The following CDIN1 variants were observed in gnomAD, a reference collection of about 807,000 sequenced individuals.
The protein encoded by CDIN1 is CDAN1-interacting nuclease 1.
CDIN1 carries 33 observed loss-of-function variants against 45.3 expected under a neutral mutation model. The ratio of observed to expected loss-of-function variants is 0.73; its 90% CI spans 0.55 to 0.97. CDIN1 has a LOEUF of 0.97. Among genes scored for constraint, CDIN1 ranks in the 50% least tolerant of loss-of-function variants. The pLI, the probability that CDIN1 is intolerant of heterozygous loss-of-function variation, is 0.00. For synonymous variants in CDIN1, 118 were observed against 124.4 expected (o/e 0.95, Z 0.34); for missense variants, 303 against 339.4 (o/e 0.89, Z 0.84).
chr15:36,694,932 A>G (rs536052552), intron 7 of CDIN1, among the ~76,000 whole-genome samples: 1 of 152,360 alleles, frequency 6.6e-6, no homozygotes, highest in South Asian at 2.1e-4. Context: ...GTAATGAGAG[A>G]CCATTGAGAG....
At chr15:36,617,275 G>T in intron 1 of CDIN1, 1 of 1,045,406 alleles carries the variant, frequency 9.6e-7, no homozygotes, top group South Asian at 1.3e-5. Context: ...GCTCTCAGAA[G>T]ATATATGTAA....
At chr15:36,763,618 G>A (rs1483315671) in intron 10 of CDIN1, among the ~76,000 whole-genome samples, 1 of 152,096 alleles carries the variant, frequency 6.6e-6, no homozygotes, top group Non-Finnish European at 1.5e-5. Context: ...GCCATGTTGT[G>A]GTGAGAAACC....
intron 10 of CDIN1, among the ~76,000 whole-genome samples, chr15:36,745,319 T>C (rs2044382260): frequency 6.6e-6 from 1 of 152,184 alleles, no homozygotes. Context: ...TACTGAACTT[T>C]TAAAGACATG....
intron 5 of CDIN1, among the ~76,000 whole-genome samples, chr15:36,672,321 A>G (rs1452523198): frequency 6.6e-6 from 1 of 152,046 alleles, no homozygotes; most frequent in African/African-American, 2.4e-5. Context: ...TTGTAACATC[A>G]AAGGATCTCT....
chr15:36,615,263 T>C (rs1469317087), intron 1 of CDIN1, among the ~76,000 whole-genome samples: 1 of 152,208 alleles, frequency 6.6e-6, no homozygotes, highest in Non-Finnish European at 1.5e-5. Flanking sequence ...GTTGATCTTT[T>C]AAAGTTTCTT....
Position 36,637,762 on chromosome 15 carries a change from C to G in CDIN1, c.102-6516C>G, listed in dbSNP as rs554188899. ...AAGTGATGAAAATGAATTAACTACA[C>G]TTAAATTAACATGGCTAACTCTCAC... On this transcript the variant is annotated intron_variant, in intron 1 of 10. Coordinates refer to ENST00000566621, the MANE Select transcript of CDIN1 (RefSeq NM_001321759.2). Among the ~76,000 whole-genome samples the G allele has an allele frequency of 1.8e-4, 28 of 152,312 alleles. 1 individual carries two copies. The South Asian group carries it at 5.6e-3, about 30-fold the overall frequency.
At chr15:36,734,681 T>C (rs1161986383) in intron 10 of CDIN1, among the ~76,000 whole-genome samples, 1 of 152,200 alleles carries the variant, frequency 6.6e-6, no homozygotes, top group Non-Finnish European at 1.5e-5. Flanking sequence ...AATATATTCA[T>C]GTTTAAATTG....
intron 8 of CDIN1, among the ~76,000 whole-genome samples, chr15:36,700,361 CACTT>C (rs1384566664): frequency 1.3e-5 from 2 of 152,092 alleles, no homozygotes; most frequent in African/African-American, 4.8e-5. Flanking sequence ...GAATGCATCT[CACTT>C]AGTAGGTGCT....
intron 5 of CDIN1, among the ~76,000 whole-genome samples, chr15:36,660,794 T>G (rs1044280505): frequency 3.3e-5 from 5 of 152,312 alleles, no homozygotes; most frequent in Middle Eastern, 3.4e-3. Context: ...TATTTTGAGT[T>G]GAGCTCTGCA....
At chr15:36,609,586 C>T (rs946559314) in intron 1 of CDIN1, among the ~76,000 whole-genome samples, 1 of 152,104 alleles carries the variant, frequency 6.6e-6, no homozygotes, top group Non-Finnish European at 1.5e-5. Context: ...AAACTCAGTT[C>T]TATTGCTTTT....
At chr15:36,752,242 T>C (rs2053495652) in intron 10 of CDIN1, among the ~76,000 whole-genome samples, 1 of 152,244 alleles carries the variant, frequency 6.6e-6, no homozygotes, top group African/African-American at 2.4e-5. Flanking sequence ...TTTTTATTTA[T>C]GCAGGATAAC....
intron 10 of CDIN1, among the ~76,000 whole-genome samples, chr15:36,779,195 A>G (rs891506770): frequency 2.0e-5 from 3 of 152,214 alleles, no homozygotes; most frequent in African/African-American, 7.2e-5. Context: ...GGAAACCACT[A>G]CCAAACAATT....
chr15:36,650,591 C>T (rs747639462), intron 3 of CDIN1, among the ~76,000 whole-genome samples: 70 of 151,880 alleles, frequency 4.6e-4, no homozygotes, highest in Non-Finnish European at 7.1e-4. Flanking sequence ...TACAGGCACG[C>T]GCCACCATGC....
chr15:36,647,861 A>G (rs1263963181), intron 3 of CDIN1, among the ~76,000 whole-genome samples: 7 of 135,488 alleles, frequency 5.2e-5, no homozygotes, highest in Admixed American at 8.1e-5. Context: ...TTTTTTTGAG[A>G]CGGAGTCTCA....
intron 1 of CDIN1, among the ~76,000 whole-genome samples, chr15:36,631,810 T>A (rs549279326): frequency 4.6e-5 from 7 of 152,310 alleles, no homozygotes; most frequent in South Asian, 2.1e-4. Context: ...CTGTGTTTTT[T>A]AAAAATTTAT....
intron 10 of CDIN1, among the ~76,000 whole-genome samples, chr15:36,788,807 TG>T (rs1186776474): frequency 6.6e-6 from 1 of 152,202 alleles, no homozygotes; most frequent in Non-Finnish European, 1.5e-5. Flanking sequence ...TAGGGTAAAA[TG>T]GTTCACCAAA....
chr15:36,699,713 C>A (rs2042564069), intron 8 of CDIN1, among the ~76,000 whole-genome samples: 1 of 152,040 alleles, frequency 6.6e-6, no homozygotes, highest in African/African-American at 2.4e-5. Flanking sequence ...TTACTCTTAA[C>A]AATTGAAGGG....
At chr15:36,698,544 C>A (rs1341383445) in intron 8 of CDIN1, among the ~76,000 whole-genome samples, 1 of 152,112 alleles carries the variant, frequency 6.6e-6, no homozygotes, top group Non-Finnish European at 1.5e-5. Flanking sequence ...AAGGAAAATA[C>A]GTAATAGTTC....
chr15:36,759,169 G>A (rs540841873), intron 10 of CDIN1, among the ~76,000 whole-genome samples: 439 of 152,078 alleles, frequency 2.9e-3, no homozygotes, highest in African/African-American at 9.8e-3. Flanking sequence ...CCCAGCAGTA[G>A]GCTCAGGGAC....
Sources: gnomAD v4.1 joint callset for allele counts (sites outside exome capture counted in the v4.1 genomes callset) on GRCh38, gnomAD v4.1.1 for gene constraint, MANE v1.5 for transcripts, NCBI Gene and HGNC (gene_info 2026-07-23, HGNC 2026-07-21) for gene names.